WDR70: variants seen among roughly 807,000 people sequenced by gnomAD.
WDR70 encodes the protein WD repeat-containing protein 70.
In WDR70, 53 loss-of-function variants were observed where a neutral mutation model predicts 88.6. The observed-to-expected ratio is 0.60, with a 90% CI of 0.48 to 0.75. The LOEUF is 0.75. WDR70 is among the 30% of genes least tolerant of loss of function. The probability of loss-of-function intolerance (pLI) is 0.00; values close to 1 mark genes in which losing one functional copy is unlikely to be tolerated. For missense variants in WDR70, 610 were observed against 823.2 expected, an observed-to-expected ratio of 0.74 and a Z score of 3.17; for synonymous variants, 280 against 270.0, an observed-to-expected ratio of 1.04 and a Z score of -0.36.
At chr5:37,635,113 C>G (rs1744920393) in intron 10 of WDR70, among the ~76,000 whole-genome samples, 1 of 152,088 alleles carries the variant, frequency 6.6e-6, no homozygotes, top group Admixed American at 6.6e-5. Context: ...CCCTGTGCCT[C>G]TTTTACCTAT....
At chr5:37,645,787 A>G (rs1315767362) in intron 10 of WDR70, among the ~76,000 whole-genome samples, 1 of 152,028 alleles carries the variant, frequency 6.6e-6, no homozygotes, top group African/African-American at 2.4e-5. Flanking sequence ...AAACATATCT[A>G]TTCTTGCTCC....
chr5:37,499,857 T>C (rs1307723176), intron 8 of WDR70, among the ~76,000 whole-genome samples: 4 of 152,212 alleles, frequency 2.6e-5, no homozygotes, highest in Admixed American at 1.3e-4. Flanking sequence ...GGCTTTTCTG[T>C]TCATTCACCT....
At chr5:37,557,972 T>TCTTCAAAAGAGTACACTTTTG (rs1742363364) in intron 9 of WDR70, among the ~76,000 whole-genome samples, 1 of 2,080 alleles carries the variant, frequency 4.8e-4, no homozygotes, top group Admixed American at 4.8e-3. Context: ...GTATATTTAT[T>TCTTCAAAAGAGTACACTTTTG]ATGTATGATG....
chr5:37,447,214 A>T (rs970412007), intron 7 of WDR70, among the ~76,000 whole-genome samples: 3 of 152,232 alleles, frequency 2.0e-5, no homozygotes, highest in African/African-American at 7.2e-5. Flanking sequence ...CCATTAGAGA[A>T]ATGCAAATCA....
At chr5:37,487,198 G>T (rs183735613) in intron 8 of WDR70, among the ~76,000 whole-genome samples, 12 of 152,018 alleles carry the variant, frequency 7.9e-5, no homozygotes, top group African/African-American at 2.9e-4. Context: ...CAAAATCATG[G>T]CTTATATGTA....
chr5:37,480,399 A>G (rs540864295), intron 8 of WDR70, among the ~76,000 whole-genome samples: 31 of 152,238 alleles, frequency 2.0e-4, no homozygotes, highest in Non-Finnish European at 1.9e-4. Flanking sequence ...ATAATGACCT[A>G]TTTGAGACTG....
At chr5:37,720,100 A>T (rs748065114) in intron 13 of WDR70, among the ~76,000 whole-genome samples, 2 of 152,192 alleles carry the variant, frequency 1.3e-5, no homozygotes, top group Non-Finnish European at 2.9e-5. Flanking sequence ...GGAACCAAAG[A>T]AATTCAGCCC....
In WDR70 at chr5:37,506,743, C is replaced by A. The variant is rs547171942; in HGVS notation, c.841-9771C>A. On this transcript the variant is annotated intron_variant, in intron 8 of 17. Transcript: ENST00000265107. ...CCTTTCTCATTATACACACTGGTGG[C>A]TTTTATGCTGAGTTTACTGCTGGCC... The A allele has an allele frequency of 1.7e-5, 18 of 1,079,456 alleles. No homozygotes were observed. The East Asian group carries it at 3.8e-4, about 23-fold the overall frequency. 66.9% of individuals were successfully genotyped at this position (1,079,456 alleles called of 1,614,324 possible). A position where few individuals can be genotyped will look rare whatever the true frequency, so the allele number is the denominator to read the frequency against.
chr5:37,664,641 A>AT (rs1745788634), intron 10 of WDR70, among the ~76,000 whole-genome samples: 4 of 152,040 alleles, frequency 2.6e-5, no homozygotes, highest in South Asian at 2.1e-4. Context: ...GGATATTGCC[A>AT]TTTTTTTGTA....
intron 5 of WDR70, among the ~76,000 whole-genome samples, chr5:37,415,418 C>T (rs1749679956): frequency 9.9e-6 from 1 of 100,550 alleles, no homozygotes; most frequent in Non-Finnish European, 2.6e-5. Context: ...GGGCTGACCC[C>T]CCCACCTCCC....
chr5:37,409,369 G>A (rs932682928), intron 5 of WDR70, among the ~76,000 whole-genome samples: 4 of 152,132 alleles, frequency 2.6e-5, no homozygotes, highest in African/African-American at 9.7e-5. Flanking sequence ...CCTCAGCCGA[G>A]ATTTTTGTCA....
chr5:37,518,671 C>T (rs1283095365), intron 9 of WDR70, among the ~76,000 whole-genome samples: 1 of 146,872 alleles, frequency 6.8e-6, no homozygotes, highest in Admixed American at 6.8e-5. Context: ...AACGTGGGAG[C>T]ACAGATATCT....
At chr5:37,489,936 C>T (rs1201214522) in intron 8 of WDR70, among the ~76,000 whole-genome samples, 1 of 152,070 alleles carries the variant, frequency 6.6e-6, no homozygotes, top group African/African-American at 2.4e-5. Flanking sequence ...CCAATGCTAT[C>T]CCTCCCCCTT....
chr5:37,635,981 T>G (rs1207722540), intron 10 of WDR70, among the ~76,000 whole-genome samples: 1 of 152,204 alleles, frequency 6.6e-6, no homozygotes, highest in Non-Finnish European at 1.5e-5. Flanking sequence ...TTGTATTTGC[T>G]TCTTCTTCCT....
intron 9 of WDR70, among the ~76,000 whole-genome samples, chr5:37,574,326 C>T (rs1742995008): frequency 6.6e-6 from 1 of 152,138 alleles, no homozygotes; most frequent in African/African-American, 2.4e-5. Context: ...GTTAACTGTA[C>T]TCTTTACAGC....
At chr5:37,533,972 C>T (rs537598011) in intron 9 of WDR70, among the ~76,000 whole-genome samples, 8 of 152,148 alleles carry the variant, frequency 5.3e-5, no homozygotes, top group South Asian at 4.1e-4. Flanking sequence ...TACAGTTTTT[C>T]GGTGACTCAG....
At chr5:37,573,734 G>A (rs1581405107) in intron 9 of WDR70, among the ~76,000 whole-genome samples, 1 of 152,038 alleles carries the variant, frequency 6.6e-6, no homozygotes, top group East Asian at 1.9e-4. Context: ...CTCATTTCTT[G>A]TCTGTCATTC....
chr5:37,497,627 C>G (rs918099286), intron 8 of WDR70, among the ~76,000 whole-genome samples: 1 of 151,872 alleles, frequency 6.6e-6, no homozygotes, highest in African/African-American at 2.4e-5. Flanking sequence ...TTTCTTTGCC[C>G]TGAAGTTGTT....
chr5:37,443,500 A>G lies in WDR70; in HGVS notation c.686+128A>G, dbSNP rs527444006. On this transcript the variant is annotated intron_variant, in intron 7 of 17. Transcript: ENST00000265107. The stretch of plus-strand genomic sequence containing the variant: ...AAATACATTACGTTTATATGACTGT[A>G]TACGGCCTTCATAATTTAAATGAAG... 6.3e-5 allele frequency: 63 copies of G among 998,260 alleles called. No homozygotes were observed. In the South Asian group the frequency reaches 1.4e-3, roughly 22 times the overall value. 61.8% of individuals were successfully genotyped at this position (998,260 alleles called of 1,614,324 possible). A position where few individuals can be genotyped will look rare whatever the true frequency, so the allele number is the denominator to read the frequency against.
Sources: allele counts gnomAD v4.1 joint callset (sites outside exome capture counted in the v4.1 genomes callset), GRCh38; gene constraint gnomAD v4.1.1; transcripts MANE v1.5; gene names NCBI Gene and HGNC (gene_info 2026-07-23, HGNC 2026-07-21).